Variants in FTCDNL1 observed in about 807,000 individuals in gnomAD.
The protein encoded by FTCDNL1 is formiminotransferase N-terminal subdomain-containing protein.
FTCDNL1 carries 11 observed loss-of-function variants against 5.9 expected under a neutral mutation model. The observed-to-expected ratio is 1.87, with a 90% confidence interval of 1.18 to 3.10. The LOEUF (loss-of-function observed/expected upper bound fraction) is 3.10, where lower values mean the gene tolerates loss of function less well. Among genes scored for constraint, FTCDNL1 ranks in the 30% most tolerant of loss-of-function variants. The probability of loss-of-function intolerance (pLI) is 0.00; values close to 1 mark genes in which losing one functional copy is unlikely to be tolerated. For synonymous variants in FTCDNL1, 58 were observed against 24.8 expected, an observed-to-expected ratio of 2.34 and a Z score of -3.99; for missense variants, 115 against 65.5, an observed-to-expected ratio of 1.76 and a Z score of -2.61.
chr2:199,841,162 A>AT (rs1190800121), intron 3 of FTCDNL1, among the ~76,000 whole-genome samples: 1 of 151,956 alleles, frequency 6.6e-6, no homozygotes, highest in Non-Finnish European at 1.5e-5. Context: ...AAAAAAAAAA[A>AT]ATTTAGAGAC....
At chr2:199,782,445 C>A (rs1699414064) in intron 3 of FTCDNL1, among the ~76,000 whole-genome samples, 2 of 152,180 alleles carry the variant, frequency 1.3e-5, no homozygotes, top group South Asian at 4.1e-4. Context: ...TCTTTTGTGA[C>A]CCTTTTCAAT....
intron 3 of FTCDNL1, among the ~76,000 whole-genome samples, chr2:199,841,643 T>G (rs905871194): frequency 2.0e-4 from 31 of 152,126 alleles, no homozygotes; most frequent in Admixed American, 2.0e-3. Context: ...TTACATGCTG[T>G]CAAATGACAG....
chr2:199,836,094 T>C (rs1328251055), intron 3 of FTCDNL1, among the ~76,000 whole-genome samples: 9 of 152,242 alleles, frequency 5.9e-5, no homozygotes, highest in South Asian at 2.1e-4. Flanking sequence ...ATGGATTTCA[T>C]GTATCCCCCC....
chr2:199,847,043 G>T (rs966812168), intron 2 of FTCDNL1, among the ~76,000 whole-genome samples: 1 of 152,074 alleles, frequency 6.6e-6, no homozygotes, highest in Non-Finnish European at 1.5e-5. Flanking sequence ...GCTTAGAACA[G>T]CCCTACACTA....
the FTCDNL1 span, among the ~76,000 whole-genome samples, chr2:199,704,371 C>T: frequency 1.3e-5 from 2 of 152,096 alleles, no homozygotes; most frequent in Non-Finnish European, 2.9e-5. Flanking sequence ...CTACATGGTC[C>T]TGCTGCCCCA....
At chr2:199,791,978 C>T (rs935405865) in intron 3 of FTCDNL1, among the ~76,000 whole-genome samples, 1 of 151,858 alleles carries the variant, frequency 6.6e-6, no homozygotes, top group Non-Finnish European at 1.5e-5. Flanking sequence ...GAATTAGCTA[C>T]GTTATCCCCT....
chr2:199,844,962 G>T (rs2076690911), intron 3 of FTCDNL1, among the ~76,000 whole-genome samples: 2 of 151,504 alleles, frequency 1.3e-5, no homozygotes, highest in Non-Finnish European at 1.5e-5. Context: ...TGTTGCCCAG[G>T]CTGGTCTCAA....
At chr2:199,668,502 G>T in the FTCDNL1 span, among the ~76,000 whole-genome samples, 1 of 149,736 alleles carries the variant, frequency 6.7e-6, no homozygotes, top group Non-Finnish European at 1.5e-5. Flanking sequence ...AGATGAGCAG[G>T]TCTGGGAGCT....
chr2:199,760,092 T>A (rs1698205085), downstream of FTCDNL1, among the ~76,000 whole-genome samples: 1 of 152,144 alleles, frequency 6.6e-6, no homozygotes, highest in Non-Finnish European at 1.5e-5. Context: ...TAGGAACTTG[T>A]TTCATGTGTG....
intron 3 of FTCDNL1, among the ~76,000 whole-genome samples, chr2:199,821,426 C>T (rs1701680909): frequency 6.8e-6 from 1 of 147,740 alleles, no homozygotes; most frequent in African/African-American, 2.5e-5. Context: ...TCCCAAAGTG[C>T]TGGGATTACA....
chr2:199,817,878 G>A (rs1467641576), intron 4 of FTCDNL1, among the ~76,000 whole-genome samples: 1 of 152,160 alleles, frequency 6.6e-6, no homozygotes, highest in Non-Finnish European at 1.5e-5. Context: ...TGATAGATCA[G>A]ATTGGGAAGC....
At chr2:199,728,613 A>G in the FTCDNL1 span, among the ~76,000 whole-genome samples, 1 of 152,158 alleles carries the variant, frequency 6.6e-6, no homozygotes, top group East Asian at 1.9e-4. Context: ...TAAAACTTAT[A>G]CCAGGGTTGC....
chr2:199,786,037 A>C (rs6752100), intron 3 of FTCDNL1, among the ~76,000 whole-genome samples: 92,349 of 151,882 alleles, frequency 0.61, 29,447 homozygotes, highest in East Asian at 0.84. Flanking sequence ...GCTGCCACTG[A>C]TCTAACAGAA....
intron 3 of FTCDNL1, among the ~76,000 whole-genome samples, chr2:199,802,498 G>A (rs1009631173): frequency 2.6e-5 from 4 of 152,198 alleles, no homozygotes; most frequent in African/African-American, 9.6e-5. Flanking sequence ...GACTCTGCAT[G>A]GTTAGCCAGC....
intron 3 of FTCDNL1, among the ~76,000 whole-genome samples, chr2:199,789,618 G>A (rs1382156632): frequency 6.6e-6 from 1 of 151,962 alleles, no homozygotes; most frequent in Non-Finnish European, 1.5e-5. Flanking sequence ...CTGATTTTTA[G>A]AGAAAATTAA....
chr2:199,696,571 C>T, the FTCDNL1 span, among the ~76,000 whole-genome samples: 1 of 151,724 alleles, frequency 6.6e-6, no homozygotes, highest in Admixed American at 6.6e-5. Context: ...TGTGCAGAAA[C>T]AAAGCCAGTC....
intron 2 of FTCDNL1, among the ~76,000 whole-genome samples, chr2:199,846,626 C>A (rs812179): frequency 6.6e-6 from 1 of 152,082 alleles, no homozygotes; most frequent in Non-Finnish European, 1.5e-5. Flanking sequence ...AATTAGTGCC[C>A]AGAGCAGAGG....
At chr2:199,847,213 GA>G (rs200628485) in intron 2 of FTCDNL1, among the ~76,000 whole-genome samples, 62 of 140,018 alleles carry the variant, frequency 4.4e-4, no homozygotes, top group East Asian at 2.7e-3. Flanking sequence ...TGCTTAATTA[GA>G]AAAAAAAAAT....
intron 3 of FTCDNL1, among the ~76,000 whole-genome samples, chr2:199,799,028 A>G (rs1700311673): frequency 6.6e-6 from 1 of 152,204 alleles, no homozygotes; most frequent in Admixed American, 6.5e-5. Context: ...AACAGCTGAA[A>G]GGAAATCCTG....
Sources: gnomAD v4.1 joint callset for allele counts (sites outside exome capture counted in the v4.1 genomes callset) on GRCh38, gnomAD v4.1.1 for gene constraint, MANE v1.5 for transcripts, NCBI Gene and HGNC (gene_info 2026-07-23, HGNC 2026-07-21) for gene names.